The following HCN1 variants were observed in gnomAD, a reference collection of about 807,000 sequenced individuals.
HCN1 encodes hyperpolarization activated cyclic nucleotide gated potassium channel 1, also known as potassium/sodium hyperpolarization-activated cyclic nucleotide-gated channel 1.
Under a neutral mutation model 78.9 loss-of-function variants are expected in HCN1, and 13 were observed. That is an observed-to-expected ratio of 0.16 (90% confidence interval 0.11 to 0.26). The LOEUF (loss-of-function observed/expected upper bound fraction) is 0.26, where lower values mean the gene tolerates loss of function less well. HCN1 is among the 10% of genes least tolerant of loss of function. HCN1 has a pLI of 1.00. For synonymous variants in HCN1, 552 were observed against 455.5 expected (o/e 1.21, Z -2.70); for missense variants, 810 against 1,154.3 (o/e 0.70, Z 4.32).
At chr5:45,390,949 G>A (rs1739542605) in intron 4 of HCN1, among the ~76,000 whole-genome samples, 1 of 152,098 alleles carries the variant, frequency 6.6e-6, no homozygotes, top group Non-Finnish European at 1.5e-5. Context: ...GTGTTTTCCT[G>A]CAAGAGAATC....
chr5:45,401,344 A>AT lies in HCN1; in HGVS notation c.1012-4635dup, dbSNP rs925545610. Among the ~76,000 whole-genome samples the AT allele has an allele frequency of 5.5e-4, 84 of 151,716 alleles. 1 individual carries two copies. The highest frequency in any genetic ancestry group is 1.9e-3 in the East Asian group (10 of 5,164). ...AATGGGCTTGCTCATCTCTAATGAA[A>AT]TTTTTTTTTCCTTATTAATTTGCAA... On this transcript the variant is annotated intron_variant, in intron 3 of 7. Coordinates refer to ENST00000303230, the MANE Select transcript of HCN1 (RefSeq NM_021072.4).
At chr5:45,307,520 A>G (rs1745760596) in intron 5 of HCN1, among the ~76,000 whole-genome samples, 1 of 152,174 alleles carries the variant, frequency 6.6e-6, no homozygotes, top group Non-Finnish European at 1.5e-5. Context: ...TGTAATCAGA[A>G]GAGCATTTTA....
chr5:45,365,182 ATATTTT>A (rs1747209420), intron 4 of HCN1, among the ~76,000 whole-genome samples: 1 of 151,846 alleles, frequency 6.6e-6, no homozygotes, highest in Admixed American at 6.6e-5. Context: ...ACTCTTTTAC[ATATTTT>A]TATTTTTATT....
chr5:45,589,105 T>C (rs1744303089), intron 2 of HCN1, among the ~76,000 whole-genome samples: 1 of 152,058 alleles, frequency 6.6e-6, no homozygotes, highest in African/African-American at 2.4e-5. Flanking sequence ...AGAGAGAGGG[T>C]AACCTTAAAC....
At chr5:45,658,826 G>A (rs1172308500) in intron 1 of HCN1, among the ~76,000 whole-genome samples, 1 of 151,540 alleles carries the variant, frequency 6.6e-6, no homozygotes, top group Non-Finnish European at 1.5e-5. Context: ...CTCGCTGATT[G>A]CTAGCACAGC....
intron 6 of HCN1, among the ~76,000 whole-genome samples, chr5:45,283,351 C>A (rs1325227336): frequency 1.3e-5 from 2 of 152,018 alleles, no homozygotes; most frequent in South Asian, 2.1e-4. Context: ...ACAGAGTAAA[C>A]AGACAACCTA....
intron 2 of HCN1, among the ~76,000 whole-genome samples, chr5:45,627,563 C>A (rs193223310): frequency 6.6e-6 from 1 of 152,248 alleles, no homozygotes; most frequent in Admixed American, 6.5e-5. Context: ...TGTAACACAA[C>A]CCTGAAATAA....
intron 1 of HCN1, among the ~76,000 whole-genome samples, chr5:45,683,258 A>G (rs1739739073): frequency 6.6e-6 from 1 of 152,064 alleles, no homozygotes; most frequent in Non-Finnish European, 1.5e-5. Flanking sequence ...ATTAGGGTAT[A>G]TAGCTTATGT....
chr5:45,522,602 C>CTTTTTT (rs79339415), intron 2 of HCN1, among the ~76,000 whole-genome samples: 1 of 141,346 alleles, frequency 7.1e-6, no homozygotes. Context: ...AGTCTCTTTT[C>CTTTTTT]TTTTTTTTTT....
At chr5:45,649,827 A>C (rs1371817217) in intron 1 of HCN1, among the ~76,000 whole-genome samples, 1 of 152,138 alleles carries the variant, frequency 6.6e-6, no homozygotes, top group Admixed American at 6.6e-5. Flanking sequence ...ATATTTAAAG[A>C]AAACCTTTTA....
In HCN1 at chr5:45,695,884, G is replaced by GCCGCCA; in HGVS notation, c.209_210insTGGCGG (p.Gly73_Gly74dup). ...CCGCCGGCTCCTCGCCGCCGCCGCC[G>GCCGCCA]CCGCCGCCACCGCCGCCACCGCCGT... On this transcript the variant is annotated inframe_insertion, in exon 1 of 8. Transcript: ENST00000303230. 1.3e-6 allele frequency: 2 copies of GCCGCCA among 1,529,762 alleles called. No homozygotes were observed. Among genetic ancestry groups the GCCGCCA allele is most frequent in the Non-Finnish European group, 1.8e-6 (2 of 1,142,300 alleles). The allele number at this position is 1,529,762 out of a possible 1,614,324, so 94.8% of individuals were successfully genotyped here.
chr5:45,444,479 A>T (rs1381395404), intron 3 of HCN1, among the ~76,000 whole-genome samples: 3 of 152,144 alleles, frequency 2.0e-5, no homozygotes, highest in Admixed American at 6.5e-5. Context: ...AATGAGCAGT[A>T]TTTCAATTAT....
At chr5:45,291,209 C>A (rs547571849) in intron 6 of HCN1, among the ~76,000 whole-genome samples, 3 of 152,132 alleles carry the variant, frequency 2.0e-5, no homozygotes, top group Admixed American at 6.6e-5. Flanking sequence ...CCTCCAATAA[C>A]TTTTCTCTCT....
chr5:45,372,469 TA>T (rs888392022), intron 4 of HCN1, among the ~76,000 whole-genome samples: 3 of 125,412 alleles, frequency 2.4e-5, no homozygotes, highest in Non-Finnish European at 4.7e-5. Context: ...CATTTACATA[TA>T]AAAATATATA....
At chr5:45,633,359 C>T (rs1214825050) in intron 2 of HCN1, among the ~76,000 whole-genome samples, 1 of 151,694 alleles carries the variant, frequency 6.6e-6, no homozygotes. Context: ...TATGTAACAG[C>T]CCCTTTTTAT....
At chr5:45,512,931 A>T (rs1742442361) in intron 2 of HCN1, among the ~76,000 whole-genome samples, 1 of 152,184 alleles carries the variant, frequency 6.6e-6, no homozygotes, top group South Asian at 2.1e-4. Flanking sequence ...TTTATTTATC[A>T]ACGCCCATTT....
At chr5:45,409,778 C>A (rs1440861885) in intron 3 of HCN1, among the ~76,000 whole-genome samples, 1 of 151,780 alleles carries the variant, frequency 6.6e-6, no homozygotes, top group Non-Finnish European at 1.5e-5. Context: ...ATCTGTATAA[C>A]AATTTATCCT....
intron 4 of HCN1, among the ~76,000 whole-genome samples, chr5:45,372,367 AAC>A (rs2112008115): frequency 9.1e-6 from 1 of 109,368 alleles, no homozygotes; most frequent in South Asian, 2.6e-4. Flanking sequence ...TTATATATAA[AAC>A]ATATATATTA....
rs750236946 is a variant in HCN1, at chr5:45,656,617, T to C, written c.426-11009A>G. 5.6e-4 allele frequency among the ~76,000 whole-genome samples: 85 copies of C among 152,188 alleles called. 1 individual carries two copies. Among genetic ancestry groups the C allele is most frequent in the Admixed American group, 3.1e-3 (47 of 15,272 alleles). ...TTTTCAGCTAATGCTTTAGATGTTA[T>C]AATATAAAATAAATCCAAGGCTATC... On this transcript the variant is annotated intron_variant, in intron 1 of 7. Transcript: ENST00000303230.
Sources: gnomAD v4.1 joint callset for allele counts (sites outside exome capture counted in the v4.1 genomes callset) on GRCh38, gnomAD v4.1.1 for gene constraint, MANE v1.5 for transcripts, NCBI Gene and HGNC (gene_info 2026-07-23, HGNC 2026-07-21) for gene names.